Variants in SPATA22 observed in about 807,000 individuals in gnomAD.
SPATA22 encodes spermatogenesis associated 22.
Under a neutral mutation model 47.8 loss-of-function variants are expected in SPATA22, and 29 were observed. That is an observed-to-expected ratio of 0.61 (90% CI 0.45 to 0.83). The LOEUF (loss-of-function observed/expected upper bound fraction) is 0.83. Among genes scored for constraint, SPATA22 ranks in the 40% least tolerant of loss-of-function variants. The pLI, the probability that SPATA22 is intolerant of heterozygous loss-of-function variation, is 0.00. For synonymous variants in SPATA22, 133 were observed against 140.9 expected (o/e 0.94, Z 0.40); for missense variants, 410 against 421.7 (o/e 0.97, Z 0.24).
chr17:3,469,950 A>G (rs8081337), intron 1 of SPATA22, among the ~76,000 whole-genome samples: 114,742 of 151,836 alleles, frequency 0.76, 45,023 homozygotes, highest in Non-Finnish European at 0.88. Flanking sequence ...AAAATTAGCC[A>G]GGAGTGGTGG....
intron 1 of SPATA22, among the ~76,000 whole-genome samples, chr17:3,482,988 C>T (rs896572184): frequency 1.5e-5 from 2 of 137,438 alleles, no homozygotes; most frequent in African/African-American, 5.5e-5. Context: ...GAGCGGAATG[C>T]TTTGGTTGCC....
rs778039536 is a variant in SPATA22, at chr17:3,481,722, C to T, written c.-73-12324G>A. The T allele has an allele frequency of 1.9e-6, 3 of 1,613,694 alleles. No homozygotes were observed. In the African/African-American group the frequency reaches 4.0e-5, roughly 22 times the overall value. The stretch of plus-strand genomic sequence containing the variant: ...ATTATTTTTGACCTTCACAACACCA[C>T]CTCTAACATGGGGTGCACTCTTATT... On this transcript the variant is annotated intron_variant, in intron 1 of 8. Transcript: ENST00000541913.
intron 5 of SPATA22, among the ~76,000 whole-genome samples, chr17:3,457,666 C>T (rs950581590): frequency 6.6e-6 from 1 of 151,998 alleles, no homozygotes; most frequent in Non-Finnish European, 1.5e-5. Context: ...CAGAAATAAA[C>T]CCATGCATTT....
At chr17:3,463,909 T>TCTTCTCCCTCTC (rs2073194035) in intron 3 of SPATA22, among the ~76,000 whole-genome samples, 1 of 89,760 alleles carries the variant, frequency 1.1e-5, no homozygotes. Flanking sequence ...AAAACACTGA[T>TCTTCTCCCTCTC]CCTCTCCCTC....
chr17:3,487,042 GTGTGTGTGTGTGTGTTTA>G (rs966266439), intron 1 of SPATA22, among the ~76,000 whole-genome samples: 1 of 146,320 alleles, frequency 6.8e-6, no homozygotes, highest in Non-Finnish European at 1.5e-5. Context: ...TCCCATATTT[GTGTGTGTGTGTGTGTTTA>G]TGTGTGTGTG....
chr17:3,495,717 C>T lies in SPATA22; in HGVS notation c.-74+17695G>A, dbSNP rs572814460. Among the ~76,000 whole-genome samples the T allele has an allele frequency of 5.3e-5, 8 of 152,198 alleles. No homozygotes were observed. The East Asian group carries it at 5.8e-4, about 11-fold the overall frequency. ...CCGAGTAGCTGGGATTACAGGCTCA[C>T]GTCACCACACCCGGCTAACTTTTGT... On this transcript the variant is annotated intron_variant, in intron 1 of 8. Coordinates refer to the SPATA22 transcript ENST00000541913.
chr17:3,446,402 G>A (rs188144867), intron 7 of SPATA22, 70 bp downstream of exon 7: 1 of 1,455,874 alleles, frequency 6.9e-7, no homozygotes, highest in Non-Finnish European at 9.3e-7. Context: ...GGAAGAAAAA[G>A]GACTAATCAG....
chr17:3,448,337 T>G (rs535609165), intron 6 of SPATA22, among the ~76,000 whole-genome samples: 7 of 152,358 alleles, frequency 4.6e-5, no homozygotes, highest in Admixed American at 4.6e-4. Flanking sequence ...CATTCATTTA[T>G]GTATTGCTTA....
chr17:3,454,753 T>G (rs1210583581), intron 5 of SPATA22, among the ~76,000 whole-genome samples: 2 of 152,094 alleles, frequency 1.3e-5, no homozygotes, highest in Non-Finnish European at 2.9e-5. Flanking sequence ...AGTGCCGCAA[T>G]AAACATGCGT....
rs2073807697 is a variant in SPATA22, at chr17:3,490,546, C to T, written c.-73-21148G>A. On this transcript the variant is annotated intron_variant, in intron 1 of 8. Transcript: ENST00000541913. This position sits in a 1 kb window ranked among gnomAD's most constrained non-coding sequence, Gnocchi z 4.6. ...TCCTCAACCTCAGATCGTGCGCACC[C>T]CACTGCAATCACAGACATTCGTTTT... 6.6e-6 allele frequency among the ~76,000 whole-genome samples: 1 copy of T among 151,658 alleles called. No individual in the cohort carries two copies.
At chr17:3,451,748 A>G (rs2072865612) in intron 5 of SPATA22, among the ~76,000 whole-genome samples, 2 of 152,108 alleles carry the variant, frequency 1.3e-5, no homozygotes, top group African/African-American at 2.4e-5. Context: ...AGAGATCGAA[A>G]CTGTCCTGGC....
At chr17:3,451,179 T>TA (rs768313425) in intron 5 of SPATA22, among the ~76,000 whole-genome samples, 1 of 144,298 alleles carries the variant, frequency 6.9e-6, no homozygotes, top group Non-Finnish European at 1.5e-5. Flanking sequence ...TCAGACAAAA[T>TA]AGACTTTAAG....
chr17:3,471,011 C>T (rs906091606), intron 1 of SPATA22, among the ~76,000 whole-genome samples: 1 of 151,882 alleles, frequency 6.6e-6, no homozygotes, highest in African/African-American at 2.4e-5. Flanking sequence ...AAAAATTAGC[C>T]GGGCATGGTG....
At chr17:3,449,327 C>A (rs2072804564) in intron 5 of SPATA22, among the ~76,000 whole-genome samples, 178 bp from the exon 6 acceptor site, 1 of 152,134 alleles carries the variant, frequency 6.6e-6, no homozygotes, top group South Asian at 2.1e-4. Context: ...ACCTCTCTTT[C>A]CAGATGAGAA....
chr17:3,502,970 A>G (rs1340798463), intron 1 of SPATA22: 1 of 152,244 alleles, frequency 6.6e-6, no homozygotes, highest in Non-Finnish European at 1.5e-5. Flanking sequence ...CAGTCTTTCA[A>G]GAAGTCCTGC....
At chr17:3,470,958 C>A (rs2073418715) in intron 1 of SPATA22, among the ~76,000 whole-genome samples, 1 of 151,984 alleles carries the variant, frequency 6.6e-6, no homozygotes, top group Non-Finnish European at 1.5e-5. Context: ...AGTTCAAGAC[C>A]AGCCTGACCA....
chr17:3,466,067 G>C (rs1026106410), intron 3 of SPATA22, among the ~76,000 whole-genome samples: 1 of 151,372 alleles, frequency 6.6e-6, no homozygotes, highest in Non-Finnish European at 1.5e-5. Context: ...ACAAAAATTG[G>C]AAATATATGA....
rs537546929 is a variant in SPATA22, at chr17:3,456,728, G to T, written c.329+5755C>A. Among the ~76,000 whole-genome samples, 81 of 151,742 alleles carry T rather than the reference G, an allele frequency of 5.3e-4. No individual in the cohort carries two copies. In the East Asian group the frequency reaches 0.011, roughly 20 times the overall value. The stretch of plus-strand genomic sequence containing the variant: ...CCAGCATCATCCCGATACCAAAGCC[G>T]GGCAGAGACACAACAAAAAAAGATA... On this transcript the variant is annotated intron_variant, in intron 5 of 8. Transcript: ENST00000572969.
upstream of SPATA22, chr17:3,471,943 G>A (rs1391585192): frequency 1.1e-5 from 9 of 820,816 alleles, no homozygotes; most frequent in Middle Eastern, 6.0e-4. Context: ...CTTCCTTGGC[G>A]TTCTCACACT....
Sources: gnomAD v4.1 joint callset for allele counts (sites outside exome capture counted in the v4.1 genomes callset) on GRCh38, gnomAD v4.1.1 for gene constraint, Gnocchi (gnomAD v3.1) non-coding constraint, MANE v1.5 for transcripts, NCBI Gene and HGNC (gene_info 2026-07-23, HGNC 2026-07-21) for gene names.